GALNTL6: variants seen among roughly 807,000 people sequenced by gnomAD.
The protein encoded by GALNTL6 is polypeptide N-acetylgalactosaminyltransferase-like 6.
In GALNTL6, 46 loss-of-function variants were observed where a neutral mutation model predicts 73.7. The ratio of observed to expected loss-of-function variants is 0.62; its 90% CI spans 0.49 to 0.80. GALNTL6 has a LOEUF of 0.80. Among genes scored for constraint, GALNTL6 ranks in the 30% least tolerant of loss-of-function variants. The pLI is 0.00. For synonymous variants in GALNTL6, 259 were observed against 263.7 expected (o/e 0.98, Z 0.17); for missense variants, 604 against 755.0 (o/e 0.80, Z 2.34).
rs539902334 is a variant in GALNTL6 at position 172,861,742 on chromosome 4, C to A, written c.924-21048C>A. Among the ~76,000 whole-genome samples the A allele has an allele frequency of 1.2e-4, 19 of 152,274 alleles. No individual in the cohort carries two copies. In the South Asian group the frequency reaches 3.7e-3, roughly 30 times the overall value. ...TGATAGTGAATAAGTCTCAGGACAT[C>A]TCATGGTTTTATAACGGGGAGTTCC... On this transcript the variant is annotated intron_variant, in intron 7 of 12. Coordinates refer to ENST00000506823, the MANE Select transcript of GALNTL6 (RefSeq NM_001034845.3).
At chr4:172,092,265 A>T (rs1256776326) in intron 2 of GALNTL6, among the ~76,000 whole-genome samples, 1 of 152,192 alleles carries the variant, frequency 6.6e-6, no homozygotes, top group Non-Finnish European at 1.5e-5. Context: ...TATAATAATT[A>T]TAATTACGAC....
intron 5 of GALNTL6, among the ~76,000 whole-genome samples, chr4:172,682,646 G>T (rs1406461900): frequency 6.6e-6 from 1 of 152,084 alleles, no homozygotes; most frequent in African/African-American, 2.4e-5. Context: ...AACTGAGCTG[G>T]TATCTCTAGG....
At chr4:172,411,793 A>T (rs2111344812) in intron 5 of GALNTL6, among the ~76,000 whole-genome samples, 1 of 152,248 alleles carries the variant, frequency 6.6e-6, no homozygotes, top group African/African-American at 2.4e-5. Flanking sequence ...TATCCATGTA[A>T]CATATACTTC....
At chr4:172,395,600 A>G (rs1743819941) in intron 5 of GALNTL6, among the ~76,000 whole-genome samples, 1 of 152,118 alleles carries the variant, frequency 6.6e-6, no homozygotes, top group Admixed American at 6.5e-5. Context: ...GAGATATCAG[A>G]CCTTTGACGA....
chr4:172,090,867 T>C (rs1732182613), intron 2 of GALNTL6, among the ~76,000 whole-genome samples: 2 of 152,186 alleles, frequency 1.3e-5, no homozygotes, highest in Admixed American at 1.3e-4. Context: ...GAGTTAACTT[T>C]TGTATAAAGT....
chr4:172,422,311 C>T (rs1731078529), intron 5 of GALNTL6, among the ~76,000 whole-genome samples: 2 of 152,102 alleles, frequency 1.3e-5, no homozygotes, highest in South Asian at 4.1e-4. Context: ...TACCAAATGG[C>T]TTCATGTTGC....
chr4:172,196,023 T>A (rs529843765), intron 2 of GALNTL6, among the ~76,000 whole-genome samples: 4,928 of 137,720 alleles, frequency 0.036, 291 homozygotes, highest in African/African-American at 0.12. Flanking sequence ...TTTTTTTTTT[T>A]AAATTAATAA....
intron 2 of GALNTL6, among the ~76,000 whole-genome samples, chr4:172,018,815 T>C (rs897345686): frequency 5.9e-5 from 9 of 152,118 alleles, no homozygotes; most frequent in Non-Finnish European, 5.9e-5. Flanking sequence ...CTGTGACCCC[T>C]ACTTAATTGT....
At chr4:172,693,633 C>G (rs926465113) in intron 5 of GALNTL6, among the ~76,000 whole-genome samples, 3 of 152,234 alleles carry the variant, frequency 2.0e-5, no homozygotes, top group Non-Finnish European at 4.4e-5. Context: ...TATGCTCCTT[C>G]CGCACTCAAG....
At chr4:172,107,749 C>A (rs1187353780) in intron 2 of GALNTL6, among the ~76,000 whole-genome samples, 1 of 151,236 alleles carries the variant, frequency 6.6e-6, no homozygotes, top group Non-Finnish European at 1.5e-5. Flanking sequence ...ATGGGTGCAG[C>A]ACACCAACAT....
intron 10 of GALNTL6, among the ~76,000 whole-genome samples, chr4:172,996,138 G>C (rs899603017): frequency 6.6e-6 from 1 of 151,588 alleles, no homozygotes; most frequent in Non-Finnish European, 1.5e-5. Flanking sequence ...ATGTCCATCA[G>C]TGACAGATTG....
intron 5 of GALNTL6, among the ~76,000 whole-genome samples, chr4:172,722,387 T>C (rs962005800): frequency 6.6e-6 from 1 of 152,178 alleles, no homozygotes; most frequent in Non-Finnish European, 1.5e-5. Context: ...TTATAAAGCA[T>C]TGATAAAGTT....
rs557074294 is a variant in GALNTL6 at position 171,981,710 on chromosome 4, T to C, written c.138+166992T>C. ...ACACAACACCTGAGTGAGAAGGCCT[T>C]ATAAAATCCAAAGAATGCTTAGCTA... On this transcript the variant is annotated intron_variant, in intron 2 of 12. Coordinates refer to ENST00000506823, the MANE Select transcript of GALNTL6 (RefSeq NM_001034845.3). Among the ~76,000 whole-genome samples, 7 of 152,292 alleles carry C rather than the reference T, an allele frequency of 4.6e-5. No homozygotes were observed. In the East Asian group the frequency reaches 1.3e-3, roughly 29 times the overall value.
intron 10 of GALNTL6, among the ~76,000 whole-genome samples, chr4:173,002,110 G>A (rs1331536307): frequency 2.0e-5 from 3 of 152,220 alleles, no homozygotes; most frequent in African/African-American, 4.8e-5. Flanking sequence ...AGTAGAAACA[G>A]GCCAGGAGCA....
intron 5 of GALNTL6, among the ~76,000 whole-genome samples, chr4:172,579,862 G>A (rs1737108490): frequency 6.6e-6 from 1 of 150,678 alleles, no homozygotes; most frequent in Admixed American, 6.6e-5. Flanking sequence ...AAGAAGGGAG[G>A]GAGGGAGGGA....
intron 2 of GALNTL6, among the ~76,000 whole-genome samples, chr4:171,847,098 G>A (rs1210891087): frequency 6.6e-6 from 1 of 151,606 alleles, no homozygotes; most frequent in Admixed American, 6.6e-5. Flanking sequence ...AGCATTTACA[G>A]AAACTTTGTA....
intron 5 of GALNTL6, among the ~76,000 whole-genome samples, chr4:172,606,136 A>G (rs1738246925): frequency 6.6e-6 from 1 of 152,216 alleles, no homozygotes; most frequent in East Asian, 1.9e-4. Context: ...CAGATTGTGA[A>G]GAGCCTTGTG....
chr4:172,897,667 A>C (rs1211510540), intron 8 of GALNTL6, among the ~76,000 whole-genome samples: 1 of 152,218 alleles, frequency 6.6e-6, no homozygotes, highest in Non-Finnish European at 1.5e-5. Context: ...GTGTTGGTCC[A>C]CACTATCAAA....
intron 7 of GALNTL6, among the ~76,000 whole-genome samples, chr4:172,857,613 G>A (rs527790648): frequency 4.5e-4 from 68 of 152,276 alleles, no homozygotes; most frequent in African/African-American, 1.6e-3. Flanking sequence ...TGAGAAAATT[G>A]TATTGGGGTC....
Sources: allele counts gnomAD v4.1 joint callset (sites outside exome capture counted in the v4.1 genomes callset), GRCh38; gene constraint gnomAD v4.1.1; transcripts MANE v1.5; gene names NCBI Gene and HGNC (gene_info 2026-07-23, HGNC 2026-07-21).